The following CPEB1 variants were observed in gnomAD, a reference collection of about 807,000 sequenced individuals.
CPEB1 encodes the protein cytoplasmic polyadenylation element-binding protein 1.
A neutral mutation model predicts 65.8 loss-of-function variants in CPEB1; 7 were observed. The observed-to-expected ratio is 0.11, with a 90% CI of 0.06 to 0.20. The LOEUF is 0.20. CPEB1 is among the 10% of genes least tolerant of loss of function. CPEB1 has a pLI of 1.00. For synonymous variants in CPEB1, 262 were observed against 260.0 expected, an observed-to-expected ratio of 1.01 and a Z score of -0.08; for missense variants, 551 against 712.2, an observed-to-expected ratio of 0.77 and a Z score of 2.58.
At chr15:82,576,982 G>A (rs916999562) in intron 3 of CPEB1, among the ~76,000 whole-genome samples, 4 of 152,110 alleles carry the variant, frequency 2.6e-5, no homozygotes, top group Admixed American at 6.6e-5. Flanking sequence ...CTGAGACCAC[G>A]CCACTGCACT....
chr15:82,615,658 G>C (rs998454934), intron 3 of CPEB1, among the ~76,000 whole-genome samples: 1 of 152,064 alleles, frequency 6.6e-6, no homozygotes, highest in South Asian at 2.1e-4. Context: ...AATCAAGTTG[G>C]ATTTACAGCT....
chr15:82,573,278 C>T (rs771304964), intron 3 of CPEB1: 311 of 910,258 alleles, frequency 3.4e-4, no homozygotes, highest in Non-Finnish European at 4.6e-4. Context: ...CATCCATCCA[C>T]GTTATTCCTC....
intron 3 of CPEB1, among the ~76,000 whole-genome samples, chr15:82,623,201 T>C (rs2045469079): frequency 6.6e-6 from 1 of 152,236 alleles, no homozygotes; most frequent in Admixed American, 6.5e-5. Flanking sequence ...CCAGAAGTGT[T>C]TCCTAGTTCT....
chr15:82,612,041 T>G (rs2044206718), intron 3 of CPEB1, among the ~76,000 whole-genome samples: 1 of 149,410 alleles, frequency 6.7e-6, no homozygotes, highest in African/African-American at 2.5e-5. Context: ...AAACCCTGTC[T>G]CCACTAAAAA....
intron 1 of CPEB1, among the ~76,000 whole-genome samples, chr15:82,634,053 T>A (rs1280367032): frequency 5.3e-5 from 8 of 152,164 alleles, no homozygotes; most frequent in Non-Finnish European, 7.3e-5. Flanking sequence ...CAATAAATAC[T>A]TTTAGTGGCA....
upstream of CPEB1, chr15:82,647,670 C>T (rs1465275391): frequency 1.5e-5 from 6 of 390,748 alleles, no homozygotes; most frequent in Non-Finnish European, 2.6e-5. Flanking sequence ...AGGCTCCCTG[C>T]CCCCCTCGCC....
intron 3 of CPEB1, among the ~76,000 whole-genome samples, chr15:82,616,709 A>G (rs994104202): frequency 8.6e-5 from 13 of 151,982 alleles, no homozygotes; most frequent in Admixed American, 8.5e-4. Context: ...CGCCTGGCTA[A>G]TTTTTGTATT....
intron 6 of CPEB1, among the ~76,000 whole-genome samples, chr15:82,554,896 G>T (rs1248535437): frequency 1.3e-5 from 2 of 152,220 alleles, no homozygotes; most frequent in African/African-American, 4.8e-5. Flanking sequence ...GCATGGTAAT[G>T]TCATTTCACA....
intron 3 of CPEB1, among the ~76,000 whole-genome samples, chr15:82,584,710 C>G (rs1271601066): frequency 6.8e-6 from 1 of 147,778 alleles, no homozygotes; most frequent in African/African-American, 2.5e-5. Context: ...CATAATGCAT[C>G]TATCTACACA....
intron 3 of CPEB1, among the ~76,000 whole-genome samples, chr15:82,588,066 C>T (rs112624605): frequency 0.013 from 1,931 of 152,106 alleles, 33 homozygotes; most frequent in African/African-American, 0.043. Flanking sequence ...GGACTACAGG[C>T]ACATGCCACC....
rs143688727 is a variant in CPEB1, at chr15:82,644,355, C to T, written c.-98+2782G>A. 2.3e-4 allele frequency among the ~76,000 whole-genome samples: 35 copies of T among 152,322 alleles called. No homozygotes were observed. The East Asian group carries it at 6.2e-3, about 27-fold the overall frequency. ...AGAACACACATAATAGGCTGGGCTACGGCACCAGAAGGACCTAGGTTCACA... is the reference window on the plus strand; with the variant it reads ...AGAACACACATAATAGGCTGGGCTATGGCACCAGAAGGACCTAGGTTCACA... On this transcript the variant is annotated intron_variant, in intron 1 of 12. Transcript: ENST00000684509.
chr15:82,549,930 C>A (rs1463219284), intron 9 of CPEB1, among the ~76,000 whole-genome samples: 2 of 152,124 alleles, frequency 1.3e-5, no homozygotes, highest in Admixed American at 1.3e-4. Context: ...CAAAAAAGTA[C>A]CACATGGCCA....
intron 4 of CPEB1, among the ~76,000 whole-genome samples, chr15:82,568,021 C>G (rs899330112): frequency 6.6e-6 from 1 of 152,156 alleles, no homozygotes; most frequent in Non-Finnish European, 1.5e-5. Flanking sequence ...TGAATAGCCC[C>G]TATAGTAGTA....
At chr15:82,569,898 T>C (rs762251795) in intron 4 of CPEB1, among the ~76,000 whole-genome samples, 3 of 152,302 alleles carry the variant, frequency 2.0e-5, no homozygotes, top group Admixed American at 6.5e-5. Context: ...GCTGGCTTCA[T>C]AGGCCCCCAA....
At chr15:82,630,207 G>C (rs752067844) in intron 1 of CPEB1, 91 of 486,954 alleles carry the variant, frequency 1.9e-4, no homozygotes, top group Non-Finnish European at 2.2e-4. Flanking sequence ...GAGTAGCTGA[G>C]ACTACAGGCA....
intron 1 of CPEB1, among the ~76,000 whole-genome samples, chr15:82,641,017 C>G (rs1194503022): frequency 6.6e-6 from 1 of 152,076 alleles, no homozygotes; most frequent in Non-Finnish European, 1.5e-5. Context: ...TAGTACTAGT[C>G]TAGAAATGAG....
intron 3 of CPEB1, among the ~76,000 whole-genome samples, chr15:82,584,730 T>G (rs1369172277): frequency 1.3e-5 from 2 of 149,480 alleles, no homozygotes; most frequent in African/African-American, 2.5e-5. Context: ...AGTAAAATGC[T>G]ATGTAGCCTT....
At chr15:82,627,491 T>C in intron 2 of CPEB1, 124 bp from the exon 3 acceptor site, 9 of 662,326 alleles carry the variant, frequency 1.4e-5, no homozygotes, top group South Asian at 2.6e-5. Flanking sequence ...TTAAAACACT[T>C]AATGAGTGTT....
At chr15:82,597,920 G>C (rs1433694701) in intron 3 of CPEB1, among the ~76,000 whole-genome samples, 1 of 152,164 alleles carries the variant, frequency 6.6e-6, no homozygotes, top group Non-Finnish European at 1.5e-5. Context: ...ATATTACAAA[G>C]CTTGAGAGGT....
Sources: allele counts gnomAD v4.1 joint callset (sites outside exome capture counted in the v4.1 genomes callset), GRCh38; gene constraint gnomAD v4.1.1; transcripts MANE v1.5; gene names NCBI Gene and HGNC (gene_info 2026-07-23, HGNC 2026-07-21).